SERPINE2: variants seen among roughly 807,000 people sequenced by gnomAD.
The protein encoded by SERPINE2 is serpin family E member 2.
Under a neutral mutation model 36.3 loss-of-function variants are expected in SERPINE2, and 14 were observed. The ratio of observed to expected loss-of-function variants is 0.39; its 90% confidence interval spans 0.25 to 0.60. The LOEUF is 0.60. SERPINE2 is among the 20% of genes least tolerant of loss of function. The pLI is 0.57. For synonymous variants in SERPINE2, 192 were observed against 191.8 expected (o/e 1.00, Z -0.01); for missense variants, 418 against 499.6 (o/e 0.84, Z 1.56).
chr2:224,031,924 C>A (rs929336273), intron 1 of SERPINE2, among the ~76,000 whole-genome samples: 1 of 152,094 alleles, frequency 6.6e-6, no homozygotes, highest in Admixed American at 6.5e-5. Context: ...AGAAGAAAGC[C>A]TCCAAGTCCT....
intron 5 of SERPINE2, among the ~76,000 whole-genome samples, 160 bp from the exon 6 acceptor site, chr2:223,982,941 G>A (rs1690274782): frequency 1.3e-5 from 2 of 152,220 alleles, no homozygotes; most frequent in African/African-American, 4.8e-5. Flanking sequence ...TACCAGATAA[G>A]TAAAGGACAA....
intron 3 of SERPINE2, among the ~76,000 whole-genome samples, chr2:223,994,035 C>T (rs1690782011): frequency 6.6e-6 from 1 of 152,180 alleles, no homozygotes; most frequent in South Asian, 2.1e-4. Flanking sequence ...TTCCTACTTG[C>T]CTTTAAGACA....
intron 1 of SERPINE2, among the ~76,000 whole-genome samples, chr2:224,019,771 A>ATTTTTTG (rs1182167581): frequency 7.0e-5 from 1 of 14,240 alleles, no homozygotes; most frequent in Non-Finnish European, 2.5e-4. Context: ...TTTTTAAAAA[A>ATTTTTTG]AAAAAAAGAA....
intron 6 of SERPINE2, chr2:223,982,440 G>A (rs1324826986): frequency 2.6e-6 from 1 of 378,048 alleles, no homozygotes; most frequent in Non-Finnish European, 4.8e-6. Context: ...ACTGATCCAT[G>A]TAACCAAAAA....
chr2:223,983,445 G>A (rs112015565), intron 5 of SERPINE2, among the ~76,000 whole-genome samples: 18,509 of 151,908 alleles, frequency 0.12, 2,078 homozygotes, highest in African/African-American at 0.28. Flanking sequence ...AGTAGAGACG[G>A]GGTTTTTCCA....
At chr2:224,038,580 G>A (rs1692605492) in intron 1 of SERPINE2, 19 of 1,424,202 alleles carry the variant, frequency 1.3e-5, no homozygotes, top group South Asian at 2.5e-5. Flanking sequence ...GGCTGCCAGA[G>A]GCCAAGTTAA....
At position 223,982,708 on chromosome 2, in the gene SERPINE2, A is replaced by T; in HGVS notation, c.958T>A (p.Ser320Thr). 6.2e-7 allele frequency: 1 copy of T among 1,613,728 alleles called. No individual in the cohort carries two copies. Among genetic ancestry groups the T allele is most frequent in the Non-Finnish European group, 8.5e-7 (1 of 1,179,812 alleles). ...VLGITDMFDS[S>T]KANFAKITRS... ...GTTATTTTTGCAAAATTTGCCTTTG[A>T]TGAATCAAACATGTCAGTAATGCCA... Residue 320 changes from serine (S) to threonine (T), a missense_variant, in exon 6 of 9, where the codon TCA (serine) becomes ACA (threonine). Physicochemically the swap from Ser to Thr is moderately conservative, Grantham distance 58. Transcript: ENST00000409304.
intron 1 of SERPINE2, among the ~76,000 whole-genome samples, chr2:224,029,721 A>G (rs921541957): frequency 6.6e-6 from 1 of 152,200 alleles, no homozygotes; most frequent in East Asian, 1.9e-4. Flanking sequence ...TTATTTTGAG[A>G]CAGAGCCTCC....
chr2:223,983,834 G>A (rs1038119308), intron 5 of SERPINE2, among the ~76,000 whole-genome samples: 2 of 151,296 alleles, frequency 1.3e-5, no homozygotes, highest in African/African-American at 4.9e-5. Flanking sequence ...GAGCACTAAG[G>A]AGACGTGGGC....
intron 7 of SERPINE2, chr2:223,978,585 TA>T (rs1690105286): frequency 6.6e-6 from 1 of 152,248 alleles, no homozygotes; most frequent in African/African-American, 2.4e-5. Flanking sequence ...TTCCATTTAA[TA>T]AGCCTGAACC....
chr2:224,031,875 A>G (rs1692392627), intron 1 of SERPINE2, among the ~76,000 whole-genome samples: 1 of 151,382 alleles, frequency 6.6e-6, no homozygotes. Context: ...GACAACCACA[A>G]TCAGCAGACA....
rs148642343 is a variant in SERPINE2 at position 224,004,633 on chromosome 2, T to C, written c.-22-2711A>G. 2.8e-4 allele frequency among the ~76,000 whole-genome samples: 42 copies of C among 152,286 alleles called. 1 individual carries two copies. The East Asian group carries it at 7.9e-3, about 29-fold the overall frequency. On this transcript the variant is annotated intron_variant, in intron 1 of 8. Transcript: ENST00000409304. ...TTCATTCCATCTAAAAACTAGAAAC[T>C]GTGTTCTCCCCTTCCTTCCTCCCTC...
At chr2:224,035,947 G>A (rs747675219) in intron 1 of SERPINE2, among the ~76,000 whole-genome samples, 1 of 152,100 alleles carries the variant, frequency 6.6e-6, no homozygotes, top group Non-Finnish European at 1.5e-5. Flanking sequence ...TGGCATCACC[G>A]TGAGACCCCT....
At position 223,980,474 on chromosome 2, in the gene SERPINE2, A is replaced by G; in HGVS notation, c.986-77T>C. The G allele has an allele frequency of 3.1e-6, 4 of 1,280,196 alleles. No homozygotes were observed. In the South Asian group the frequency reaches 4.8e-5, roughly 15 times the overall value. 79.3% of individuals were successfully genotyped at this position (1,280,196 alleles called of 1,614,324 possible). A position where few individuals can be genotyped will look rare whatever the true frequency, so the allele number is the denominator to read the frequency against. ...TGGTTGGTTGGGGAAGTAACCTCAAAGCTCAAAGCCATGGCAAATTCCAAT... is the reference window on the plus strand; with the variant it reads ...TGGTTGGTTGGGGAAGTAACCTCAAGGCTCAAAGCCATGGCAAATTCCAAT... On this transcript the variant is annotated intron_variant, in intron 6 of 8. Coordinates refer to ENST00000409304, the MANE Select transcript of SERPINE2 (RefSeq NM_001136528.2).
intron 5 of SERPINE2, among the ~76,000 whole-genome samples, chr2:223,983,803 A>G (rs1160298116): frequency 6.6e-6 from 1 of 150,472 alleles, no homozygotes; most frequent in Non-Finnish European, 1.5e-5. Flanking sequence ...GCTTTATCAG[A>G]TTTGATCTCA....
At chr2:223,998,734 C>G (rs1324536507) in intron 2 of SERPINE2, among the ~76,000 whole-genome samples, 1 of 152,088 alleles carries the variant, frequency 6.6e-6, no homozygotes, top group African/African-American at 2.4e-5. Context: ...AATAACAGAA[C>G]AGTATAAACA....
Position 223,998,242 on chromosome 2 carries a change from A to C in SERPINE2, c.360T>G (p.Ser120=). The change falls in exon 3 of 9, where the codon TCT becomes TCG. Residue 120 remains serine, a synonymous_variant. Coordinates refer to ENST00000409304, the MANE Select transcript of SERPINE2 (RefSeq NM_001136528.2). ...VANAVFVKNA[S]EIEVPFVTRN... ...TTGTAACAAAAGGCACTTCAATTTC[A>C]GAGGCATTCTTAACAAACACGGCGT... 6.2e-7 allele frequency: 1 copy of C among 1,614,204 alleles called. No individual in the cohort carries two copies. Among genetic ancestry groups the C allele is most frequent in the South Asian group, 1.1e-5 (1 of 91,088 alleles).
intron 4 of SERPINE2, among the ~76,000 whole-genome samples, chr2:223,989,747 CG>C (rs1162204295): frequency 3.3e-5 from 5 of 152,112 alleles, no homozygotes; most frequent in Non-Finnish European, 5.9e-5. Flanking sequence ...AGCTGTTCGC[CG>C]TGTTTACTTG....
At position 224,010,364 on chromosome 2, in the gene SERPINE2, T is replaced by C. The variant is rs138127695; in HGVS notation, c.-22-8442A>G. ...ATACCTTTTCAGCCGCTGAAAAGTA[T>C]GGCAGCAACATCCAAATGGTCCCTT... is the stretch of plus-strand genomic sequence containing the variant. On this transcript the variant is annotated intron_variant, in intron 1 of 8. Transcript: ENST00000409304. 2.4e-4 allele frequency: 232 copies of C among 985,404 alleles called. 1 individual carries two copies. In the East Asian group the frequency reaches 6.2e-3, roughly 26 times the overall value. 61.0% of individuals were successfully genotyped at this position (985,404 alleles called of 1,614,324 possible).
Sources: allele counts gnomAD v4.1 joint callset (sites outside exome capture counted in the v4.1 genomes callset), GRCh38; gene constraint gnomAD v4.1.1; transcripts MANE v1.5; gene names NCBI Gene and HGNC (gene_info 2026-07-23, HGNC 2026-07-21).